The following AP2B1 variants were observed in gnomAD, a reference collection of about 807,000 sequenced individuals.
The protein encoded by AP2B1 is adaptor related protein complex 2 subunit beta 1.
Under a neutral mutation model 102.0 loss-of-function variants are expected in AP2B1, and 23 were observed. The observed-to-expected ratio is 0.23, with a 90% CI of 0.16 to 0.32. The LOEUF (loss-of-function observed/expected upper bound fraction) is 0.32. Ranked by LOEUF, AP2B1 falls within the 10% of genes least tolerant of loss-of-function variation. The pLI is 1.00. For missense variants in AP2B1, 541 were observed against 1,157.4 expected (o/e 0.47, Z 7.73); for synonymous variants, 381 against 421.2 (o/e 0.90, Z 1.17).
At chr17:35,714,474 TCACATCGA>T in intron 20 of AP2B1, among the ~76,000 whole-genome samples, 1 of 152,276 alleles carries the variant, frequency 6.6e-6, no homozygotes, top group East Asian at 1.9e-4. Flanking sequence ...AGAAGGAAGA[TCACATCGA>T]CACCTTCTAA....
At chr17:35,624,364 G>C in intron 5 of AP2B1, 33 bp from the exon 6 acceptor site, 3 of 1,604,078 alleles carry the variant, frequency 1.9e-6, no homozygotes, top group Non-Finnish European at 2.6e-6. Context: ...TGCTGTTCTT[G>C]GTGAATCAAG....
At chr17:35,686,873 GGAGAATGGCGT>G (rs1316022061) in intron 18 of AP2B1, among the ~76,000 whole-genome samples, 5 of 152,092 alleles carry the variant, frequency 3.3e-5, no homozygotes, top group African/African-American at 9.7e-5. Flanking sequence ...GGCTGAGGCA[GGAGAATGGCGT>G]GAGAATGGCG....
At chr17:35,627,238 G>C in intron 7 of AP2B1, 147 bp from the exon 8 acceptor site, 2 of 664,346 alleles carry the variant, frequency 3.0e-6, no homozygotes, top group South Asian at 2.3e-5. Flanking sequence ...TATAGAGGAA[G>C]TTTATGCTTT....
chr17:35,720,573 A>ATATATTTTTTTTTTTTT (rs1324333805), intron 21 of AP2B1, among the ~76,000 whole-genome samples: 1 of 28,074 alleles, frequency 3.6e-5, no homozygotes, highest in Non-Finnish European at 6.2e-5. Context: ...ATATATATAT[A>ATATATTTTTTTTTTTTT]TTTTTTTTTT....
chr17:35,679,956 C>T (rs982018525), intron 17 of AP2B1, among the ~76,000 whole-genome samples: 17 of 145,480 alleles, frequency 1.2e-4, no homozygotes, highest in African/African-American at 3.6e-4. Context: ...GACAGAGTTT[C>T]GCTCTTGTTG....
At chr17:35,703,133 G>A (rs1356443317) in intron 18 of AP2B1, among the ~76,000 whole-genome samples, 2 of 151,968 alleles carry the variant, frequency 1.3e-5, no homozygotes, top group Admixed American at 1.3e-4. Context: ...TTAGCCGGGC[G>A]TGGTGGCCAG....
intron 10 of AP2B1, among the ~76,000 whole-genome samples, chr17:35,638,276 A>AAG (rs1164685144): frequency 6.6e-6 from 1 of 152,220 alleles, no homozygotes; most frequent in African/African-American, 2.4e-5. Flanking sequence ...TTAATCAGTA[A>AAG]AAGTAGGCAG....
chr17:35,610,911 A>AG (rs1343019331), intron 5 of AP2B1, among the ~76,000 whole-genome samples: 1 of 150,384 alleles, frequency 6.6e-6, no homozygotes, highest in Non-Finnish European at 1.5e-5. Context: ...TTGTCTCAAA[A>AG]AAAAAAAAAA....
intron 5 of AP2B1, among the ~76,000 whole-genome samples, chr17:35,619,841 A>G (rs1379724238): frequency 6.6e-6 from 1 of 151,976 alleles, no homozygotes; most frequent in Non-Finnish European, 1.5e-5. Flanking sequence ...CTAGAGTGCA[A>G]TGGTGTGATC....
At chr17:35,709,152 C>T in intron 18 of AP2B1, 72 bp from the exon 19 acceptor site, 2 of 1,326,466 alleles carry the variant, frequency 1.5e-6, no homozygotes, top group Middle Eastern at 1.8e-4. Context: ...TATTTCTAGA[C>T]ACAGCGCTGT....
At chr17:35,704,945 C>T (rs1045687110) in intron 18 of AP2B1, among the ~76,000 whole-genome samples, 22 of 151,774 alleles carry the variant, frequency 1.4e-4, no homozygotes, top group African/African-American at 2.4e-4. Context: ...GCAGGAGAAT[C>T]GCTTGAACCC....
chr17:35,672,509 T>G (rs376277031), intron 16 of AP2B1, among the ~76,000 whole-genome samples: 1 of 152,218 alleles, frequency 6.6e-6, no homozygotes, highest in Non-Finnish European at 1.5e-5. Flanking sequence ...AGTCTTACCT[T>G]TCTGAGGACC....
At chr17:35,671,013 C>T in intron 15 of AP2B1, 115 bp downstream of exon 15, 1 of 1,075,224 alleles carries the variant, frequency 9.3e-7, no homozygotes, top group Non-Finnish European at 1.4e-6. Context: ...ACACCAAAAC[C>T]TCTATAACAG....
chr17:35,676,638 T>C (rs1474114084), intron 17 of AP2B1, among the ~76,000 whole-genome samples: 1 of 152,252 alleles, frequency 6.6e-6, no homozygotes, highest in Non-Finnish European at 1.5e-5. Context: ...GGAATGTTAT[T>C]GCTAGGTTAT....
At chr17:35,717,423 C>A in intron 21 of AP2B1, 74 bp downstream of exon 21, 1 of 1,516,004 alleles carries the variant, frequency 6.6e-7, no homozygotes, top group South Asian at 1.2e-5. Context: ...TACTTAGCAC[C>A]CTAGAAAGAC....
chr17:35,597,771 G>A lies in AP2B1; in HGVS notation c.38-459G>A, dbSNP rs2142327311. On this transcript the variant is annotated intron_variant, in intron 2 of 21. Coordinates refer to ENST00000610402, the MANE Select transcript of AP2B1 (RefSeq NM_001030006.2). ...CAAGAGTCAGGAGACACAGTGCTAA[G>A]CCCAACTTTGTCACTGACTCTGTGA... Among the ~76,000 whole-genome samples the A allele has an allele frequency of 1.3e-5, 2 of 152,306 alleles. 1 individual carries two copies. The highest frequency in any genetic ancestry group is 4.1e-4 in the South Asian group (2 of 4,830).
chr17:35,703,302 C>T (rs1316598740), intron 18 of AP2B1, among the ~76,000 whole-genome samples: 1 of 149,806 alleles, frequency 6.7e-6, no homozygotes, highest in Admixed American at 6.7e-5. Context: ...ATGGAAATAC[C>T]ACTCGACTCA....
chr17:35,621,439 G>A (rs1313590571), intron 5 of AP2B1: 1 of 730,780 alleles, frequency 1.4e-6, no homozygotes, highest in East Asian at 1.3e-4. Context: ...TGTAGAGATA[G>A]GATGGAAGGA....
intron 17 of AP2B1, among the ~76,000 whole-genome samples, chr17:35,679,105 G>A (rs2075762462): frequency 6.6e-6 from 1 of 152,186 alleles, no homozygotes. Context: ...ATTTGAATGA[G>A]TTGGAATTTG....
Sources: allele counts gnomAD v4.1 joint callset (sites outside exome capture counted in the v4.1 genomes callset), GRCh38; gene constraint gnomAD v4.1.1; transcripts MANE v1.5; gene names NCBI Gene and HGNC (gene_info 2026-07-23, HGNC 2026-07-21).